The following SLC25A29 variants were observed in gnomAD, a reference collection of about 807,000 sequenced individuals.
SLC25A29 encodes the protein solute carrier family 25 member 29, also known as mitochondrial basic amino acids transporter.
Under a neutral mutation model 10.0 loss-of-function variants are expected in SLC25A29, and 13 were observed. That is an observed-to-expected ratio of 1.30 (90% CI 0.85 to 2.07). The LOEUF (loss-of-function observed/expected upper bound fraction) is 2.07, where lower values mean the gene tolerates loss of function less well. Ranked by LOEUF, SLC25A29 falls within the 30% of genes most tolerant of loss-of-function variation. The probability of loss-of-function intolerance (pLI) is 0.00; values close to 1 mark genes in which losing one functional copy is unlikely to be tolerated. For synonymous variants in SLC25A29, 244 were observed against 221.1 expected, an observed-to-expected ratio of 1.10 and a Z score of -0.92; for missense variants, 475 against 447.6, an observed-to-expected ratio of 1.06 and a Z score of -0.55.
downstream of SLC25A29, among the ~76,000 whole-genome samples, chr14:100,287,621 G>A (rs1392282403): frequency 1.5e-5 from 2 of 129,902 alleles, no homozygotes; most frequent in African/African-American, 5.7e-5. Flanking sequence ...CCTGCCACTG[G>A]AGCACCACCC....
intron 2 of SLC25A29, chr14:100,298,570 A>T (rs1892326086): frequency 1.1e-5 from 6 of 559,782 alleles, no homozygotes; most frequent in Non-Finnish European, 1.9e-5. Context: ...GCATGGGAAC[A>T]TGTGGGTGCC....
intron 2 of SLC25A29, chr14:100,298,230 GCTA>G (rs1433810343): frequency 6.4e-6 from 1 of 156,916 alleles, no homozygotes; most frequent in Non-Finnish European, 1.4e-5. Flanking sequence ...GCCCCGCTGG[GCTA>G]CTTTCAGAAC....
the SLC25A29 span, among the ~76,000 whole-genome samples, chr14:100,283,637 C>T: frequency 6.6e-6 from 1 of 151,938 alleles, no homozygotes; most frequent in Non-Finnish European, 1.5e-5. Context: ...TGTGTGCCAC[C>T]ATGCCCGGCT....
chr14:100,298,068 C>T (rs188415742), intron 2 of SLC25A29: 4 of 153,094 alleles, frequency 2.6e-5, no homozygotes, highest in African/African-American at 4.8e-5. Context: ...TCCCGCAAAC[C>T]CAGCTCAGGG....
In SLC25A29 at chr14:100,296,939, A is replaced by C. The variant is rs140738942; in HGVS notation, c.78+1903T>G. 6.8e-3 allele frequency among the ~76,000 whole-genome samples: 1,028 copies of C among 152,252 alleles called. 3 individuals carry two copies. Among genetic ancestry groups the C allele is most frequent in the Non-Finnish European group, 0.011 (723 of 68,004 alleles). On this transcript the variant is annotated intron_variant, in intron 2 of 3. Coordinates refer to ENST00000359232, the MANE Select transcript of SLC25A29 (RefSeq NM_001039355.3). ...TATATGTGCTGGACCTCAACTAAAA[A>C]CAAACAGTAGCCAGGCGTGCTGGCA... is the stretch of plus-strand genomic sequence containing the variant.
At position 100,306,188 on chromosome 14, in the gene SLC25A29, C is replaced by A. The variant is rs745560098; in HGVS notation, c.34+11G>T. The A allele has an allele frequency of 2.1e-5, 31 of 1,489,776 alleles. No homozygotes were observed. In the South Asian group the frequency reaches 2.8e-4, roughly 13 times the overall value. 92.3% of individuals were successfully genotyped at this position (1,489,776 alleles called of 1,614,324 possible). A position where few individuals can be genotyped will look rare whatever the true frequency, so the allele number is the denominator to read the frequency against. On this transcript the variant is annotated intron_variant, in intron 1 of 3. Coordinates refer to ENST00000359232, the MANE Select transcript of SLC25A29 (RefSeq NM_001039355.3). ...CTCGCCCCGGCCCGGCCCGGCCCGC[C>A]GCCTCCTTACCCCCCGCGCATCCAG...
At chr14:100,281,749 T>G in the SLC25A29 span, 1 of 152,170 alleles carries the variant, frequency 6.6e-6, no homozygotes, top group South Asian at 2.1e-4. Context: ...ACCCTTGATT[T>G]ATGTTGTTAC....
At chr14:100,302,351 T>C (rs530570560) in intron 1 of SLC25A29, among the ~76,000 whole-genome samples, 1 of 150,332 alleles carries the variant, frequency 6.7e-6, no homozygotes, top group East Asian at 2.0e-4. Flanking sequence ...CGGCCCAAAA[T>C]CTATTTCTTT....
the SLC25A29 span, among the ~76,000 whole-genome samples, chr14:100,283,886 A>G: frequency 1.3e-5 from 2 of 149,900 alleles, no homozygotes; most frequent in African/African-American, 4.9e-5. Flanking sequence ...TTATTTATTT[A>G]TTTATTTTTT....
downstream of SLC25A29, among the ~76,000 whole-genome samples, chr14:100,289,835 C>CAAAAAA (rs56694140): frequency 2.1e-5 from 2 of 96,556 alleles, no homozygotes; most frequent in Non-Finnish European, 3.9e-5. Context: ...GAGCAAGACT[C>CAAAAAA]AAAAAAAAAA....
At chr14:100,293,157 G>C in intron 3 of SLC25A29, 125 bp from the exon 4 acceptor site, 2 of 1,450,956 alleles carry the variant, frequency 1.4e-6, no homozygotes, top group South Asian at 1.4e-5. Context: ...GCAGAATTTC[G>C]TTAGAACCTA....
rs753223743 is a variant in SLC25A29, at chr14:100,306,160, C to G, written c.34+39G>C. On this transcript the variant is annotated intron_variant, in intron 1 of 3. Transcript: ENST00000359232. ...TGGTGGGCCGACCTCCCTCCCCGGACGCCTCGCCCCGGCCCGGCCCGGCCC... is the reference window on the plus strand; with the variant it reads ...TGGTGGGCCGACCTCCCTCCCCGGAGGCCTCGCCCCGGCCCGGCCCGGCCC... 36 of 1,406,818 alleles carry G rather than the reference C, an allele frequency of 2.6e-5. No individual in the cohort carries two copies. The African/African-American group carries it at 4.5e-4, about 18-fold the overall frequency. The allele number at this position is 1,406,818 out of a possible 1,614,324, so 87.1% of individuals were successfully genotyped here.
Position 100,293,334 on chromosome 14 carries a change from C to T in SLC25A29, c.122G>A (p.Gly41Glu), listed in dbSNP as rs762526474. The T allele has an allele frequency of 3.7e-6, 6 of 1,613,402 alleles. No individual in the cohort carries two copies. Among genetic ancestry groups the T allele is most frequent in the Non-Finnish European group, 5.1e-6 (6 of 1,179,998 alleles). Residue 41 changes from glycine (G) to glutamate (E), a missense_variant, in exon 3 of 4, where the codon GGG becomes GAG. Coordinates refer to ENST00000359232, the MANE Select transcript of SLC25A29 (RefSeq NM_001039355.3). ...VQSVEKPQYR[G>E]TLHCFKSIIK... Reference sequence around the variant, plus strand: ...GATGGACTTGAAGCAGTGCAACGTCCCGCGGTACTGAGGCTTCTCCACGCT... The same window carrying T: ...GATGGACTTGAAGCAGTGCAACGTCTCGCGGTACTGAGGCTTCTCCACGCT...
the SLC25A29 span, among the ~76,000 whole-genome samples, chr14:100,283,373 C>T: frequency 1.3e-5 from 2 of 152,090 alleles, no homozygotes; most frequent in Non-Finnish European, 2.9e-5. Context: ...AAGTCGCAGG[C>T]CTGTGCAAGC....
At chr14:100,287,100 G>GT (rs1278555638), downstream of SLC25A29, among the ~76,000 whole-genome samples, 1 of 152,272 alleles carries the variant, frequency 6.6e-6, no homozygotes, top group Admixed American at 6.5e-5. Context: ...TCCCAGGTCA[G>GT]TGTGGCCTCA....
intron 1 of SLC25A29, among the ~76,000 whole-genome samples, chr14:100,304,200 G>A (rs1892758194): frequency 6.6e-6 from 1 of 152,194 alleles, no homozygotes; most frequent in South Asian, 2.1e-4. Flanking sequence ...AAGGAGCCAG[G>A]CAGGGGCTGC....
At chr14:100,297,792 T>C (rs1205651009) in intron 2 of SLC25A29, among the ~76,000 whole-genome samples, 2 of 152,252 alleles carry the variant, frequency 1.3e-5, no homozygotes, top group African/African-American at 4.8e-5. Flanking sequence ...AGCTAGCATT[T>C]AATCCAACAT....
chr14:100,286,476 G>GGGA (rs1555371663), downstream of SLC25A29, among the ~76,000 whole-genome samples: 1 of 71,842 alleles, frequency 1.4e-5, no homozygotes, highest in African/African-American at 4.8e-5. Context: ...TGGCTGGGGG[G>GGGA]GGGGGTGTTG....
chr14:100,303,442 GA>G (rs1892691875), intron 1 of SLC25A29, among the ~76,000 whole-genome samples: 2 of 152,220 alleles, frequency 1.3e-5, no homozygotes, highest in African/African-American at 2.4e-5. Context: ...AGAGCAGAAA[GA>G]CCCTTACGCC....
Sources: gnomAD v4.1 joint callset for allele counts (sites outside exome capture counted in the v4.1 genomes callset) on GRCh38, gnomAD v4.1.1 for gene constraint, MANE v1.5 for transcripts, NCBI Gene and HGNC (gene_info 2026-07-23, HGNC 2026-07-21) for gene names.